Variants in FRMD4A observed in about 807,000 individuals in gnomAD.
FRMD4A encodes the protein FERM domain-containing protein 4A.
A neutral mutation model predicts 129.1 loss-of-function variants in FRMD4A; 29 were observed. That is an observed-to-expected ratio of 0.22 (90% CI 0.17 to 0.31). The LOEUF is 0.31. Ranked by LOEUF, FRMD4A falls within the 10% of genes least tolerant of loss-of-function variation. The pLI, the probability that FRMD4A is intolerant of heterozygous loss-of-function variation, is 1.00. For missense variants in FRMD4A, 1,272 were observed against 1,375.8 expected (o/e 0.92, Z 1.19); for synonymous variants, 634 against 571.6 (o/e 1.11, Z -1.56).
At chr10:13,766,017 G>GA in intron 6 of FRMD4A, among the ~76,000 whole-genome samples, 1 of 152,350 alleles carries the variant, frequency 6.6e-6, no homozygotes, top group South Asian at 2.1e-4. Flanking sequence ...CCAACCATCA[G>GA]AAAATAACAC....
At chr10:13,762,173 A>G (rs1446911510) in intron 7 of FRMD4A, among the ~76,000 whole-genome samples, 2 of 152,220 alleles carry the variant, frequency 1.3e-5, no homozygotes, top group African/African-American at 4.8e-5. Context: ...ATTTTAACTC[A>G]TCTTGCCACT....
chr10:13,982,617 A>C (rs1477710682), intron 2 of FRMD4A, among the ~76,000 whole-genome samples: 1 of 152,186 alleles, frequency 6.6e-6, no homozygotes, highest in Non-Finnish European at 1.5e-5. Flanking sequence ...GGCCAAGAAG[A>C]ATCTAGACAG....
intron 2 of FRMD4A, among the ~76,000 whole-genome samples, chr10:13,901,101 C>T (rs147403848): frequency 3.3e-5 from 5 of 152,134 alleles, no homozygotes; most frequent in African/African-American, 7.2e-5. Context: ...ATCCTACAGA[C>T]GAGAAGTCGG....
rs886209473 is a variant in FRMD4A, at chr10:13,926,485, A to G, written c.46-67573T>C. On this transcript the variant is annotated intron_variant, in intron 2 of 24. Coordinates refer to ENST00000357447, the MANE Select transcript of FRMD4A (RefSeq NM_018027.5). Reference sequence around the variant, plus strand: ...AAAAAGCAACACAACAGCAGTCCCAATGATCAGTCAGCAATTTGGAAGCCA... The same window carrying G: ...AAAAAGCAACACAACAGCAGTCCCAGTGATCAGTCAGCAATTTGGAAGCCA... Among the ~76,000 whole-genome samples, 6 of 152,202 alleles carry G rather than the reference A, an allele frequency of 3.9e-5. 1 individual carries two copies. Among genetic ancestry groups the G allele is most frequent in the South Asian group, 4.1e-4 (2 of 4,828 alleles).
At chr10:14,224,860 C>G (rs966501492) in intron 2 of FRMD4A, among the ~76,000 whole-genome samples, 1 of 152,194 alleles carries the variant, frequency 6.6e-6, no homozygotes, top group Non-Finnish European at 1.5e-5. Flanking sequence ...TAACTTGCAA[C>G]TGATGTAGAG....
At chr10:14,266,239 A>G (rs927329727) in intron 2 of FRMD4A, among the ~76,000 whole-genome samples, 5 of 152,106 alleles carry the variant, frequency 3.3e-5, no homozygotes, top group Non-Finnish European at 7.4e-5. Context: ...AAAAGCCAAT[A>G]GTGCCCCCGA....
chr10:13,750,297 C>T (rs1477055063), intron 8 of FRMD4A, among the ~76,000 whole-genome samples: 1 of 152,108 alleles, frequency 6.6e-6, no homozygotes, highest in Non-Finnish European at 1.5e-5. Flanking sequence ...AAGGCCAGGA[C>T]AGATCAACTG....
chr10:13,814,580 C>CAAAAAAAAAAAAAAAA (rs553044764), intron 3 of FRMD4A, among the ~76,000 whole-genome samples: 1 of 41,390 alleles, frequency 2.4e-5, no homozygotes. Context: ...GACCCTGTTT[C>CAAAAAAAAAAAAAAAA]AAAAAAAAAA....
At chr10:13,681,606 A>C (rs1000232226) in intron 15 of FRMD4A, among the ~76,000 whole-genome samples, 1 of 152,172 alleles carries the variant, frequency 6.6e-6, no homozygotes, top group African/African-American at 2.4e-5. Flanking sequence ...GTAAAGTTTC[A>C]GGCAACACTC....
At chr10:13,774,173 G>A (rs777598415) in intron 6 of FRMD4A, among the ~76,000 whole-genome samples, 8 of 152,088 alleles carry the variant, frequency 5.3e-5, no homozygotes, top group East Asian at 1.9e-4. Context: ...TGACAGCCCC[G>A]CTGTCTCATA....
Position 13,656,716 on chromosome 10 carries a change from T to G in FRMD4A, c.2873A>C (p.Gln958Pro), listed in dbSNP as rs2082181164. The change falls in exon 22 of 25, where the codon CAG (glutamine) becomes CCG (proline). Residue 958 changes from glutamine (Q) to proline (P), a missense_variant. Physicochemically the swap from Gln to Pro is moderately conservative, Grantham distance 76. Coordinates refer to ENST00000357447, the MANE Select transcript of FRMD4A (RefSeq NM_018027.5). The stretch of plus-strand genomic sequence containing the variant: ...GGTGCTCTGGGAGGAGGTGCTGTAC[T>G]GCGAGCCGCTGTCCGAGGAGGTGGA... ...TSSTSSDSGS[Q>P]YSTSSQSTFV... 4.4e-6 allele frequency: 7 copies of G among 1,587,402 alleles called. No homozygotes were observed. The highest frequency in any genetic ancestry group is 6.0e-6 in the Non-Finnish European group (7 of 1,168,310).
chr10:13,754,570 G>A (rs1422779897), intron 8 of FRMD4A, among the ~76,000 whole-genome samples: 2 of 14,206 alleles, frequency 1.4e-4, no homozygotes, highest in African/African-American at 5.8e-4. Flanking sequence ...ATTCTTTCGT[G>A]TGTGTGTGTG....
At chr10:13,852,709 T>G (rs2094156450) in intron 3 of FRMD4A, among the ~76,000 whole-genome samples, 1 of 152,208 alleles carries the variant, frequency 6.6e-6, no homozygotes, top group South Asian at 2.1e-4. Context: ...GATTTATACT[T>G]GCTCACAGCT....
chr10:14,079,417 C>T (rs1835798715), intron 2 of FRMD4A, among the ~76,000 whole-genome samples: 1 of 152,160 alleles, frequency 6.6e-6, no homozygotes, highest in Non-Finnish European at 1.5e-5. Context: ...CTTTCCATCT[C>T]AAAAGTGAAA....
At chr10:13,887,040 T>C (rs965334022) in intron 2 of FRMD4A, among the ~76,000 whole-genome samples, 2 of 152,224 alleles carry the variant, frequency 1.3e-5, no homozygotes, top group South Asian at 2.1e-4. Flanking sequence ...TATTGCATCA[T>C]TGAATGGCTG....
chr10:14,131,286 A>T (rs1327998045), intron 2 of FRMD4A, among the ~76,000 whole-genome samples: 2 of 152,206 alleles, frequency 1.3e-5, no homozygotes, highest in East Asian at 3.8e-4. Flanking sequence ...GGCTCAGGCG[A>T]TGCAGAAGCT....
intron 2 of FRMD4A, among the ~76,000 whole-genome samples, chr10:13,973,803 T>G (rs571396103): frequency 6.6e-6 from 1 of 151,364 alleles, no homozygotes; most frequent in African/African-American, 2.4e-5. Context: ...GGGTGAAGAG[T>G]AAATTAAATT....
chr10:13,909,929 G>T (rs2094924300), intron 2 of FRMD4A, among the ~76,000 whole-genome samples: 1 of 152,154 alleles, frequency 6.6e-6, no homozygotes. Context: ...CAAAAGACGA[G>T]TTTGAGGTAT....
intron 2 of FRMD4A, among the ~76,000 whole-genome samples, chr10:14,179,624 C>T (rs1341737516): frequency 6.6e-6 from 1 of 152,184 alleles, no homozygotes. Flanking sequence ...ATATTAAGTG[C>T]TTAAATTTAT....
Sources: gnomAD v4.1 joint callset for allele counts (sites outside exome capture counted in the v4.1 genomes callset) on GRCh38, gnomAD v4.1.1 for gene constraint, MANE v1.5 for transcripts, NCBI Gene and HGNC (gene_info 2026-07-23, HGNC 2026-07-21) for gene names.